The following FLYWCH2 variants were observed in gnomAD, a reference collection of about 807,000 sequenced individuals.
FLYWCH2 encodes FLYWCH family member 2.
FLYWCH2 carries 2 observed loss-of-function variants against 6.0 expected under a neutral mutation model. The observed-to-expected ratio is 0.33, with a 90% confidence interval of 0.14 to 1.04. The LOEUF is 1.04. Ranked by LOEUF, FLYWCH2 falls within the 50% of genes least tolerant of loss-of-function variation. FLYWCH2 has a pLI of 0.45. For missense variants in FLYWCH2, 192 were observed against 183.4 expected, an observed-to-expected ratio of 1.05 and a Z score of -0.27; for synonymous variants, 87 against 79.3, an observed-to-expected ratio of 1.10 and a Z score of -0.52.
intron 1 of FLYWCH2, among the ~76,000 whole-genome samples, chr16:2,885,311 C>G (rs1418795157): frequency 2.0e-5 from 3 of 151,876 alleles, no homozygotes; most frequent in Non-Finnish European, 4.4e-5. Context: ...AGCGAGACTC[C>G]GTCTCAAAAA....
intron 3 of FLYWCH2, chr16:2,897,035 G>T (rs1387566330): frequency 1.8e-6 from 1 of 556,858 alleles, no homozygotes; most frequent in Non-Finnish European, 3.1e-6. Flanking sequence ...CACAAGGGAG[G>T]GTCTGAGGGT....
chr16:2,887,811 C>T (rs1442335171), intron 1 of FLYWCH2, among the ~76,000 whole-genome samples: 1 of 151,958 alleles, frequency 6.6e-6, no homozygotes, highest in Admixed American at 6.6e-5. Flanking sequence ...AAGCGATCCT[C>T]CTACATCACC....
At chr16:2,897,221 G>A (rs2069833525) in intron 3 of FLYWCH2, among the ~76,000 whole-genome samples, 1 of 152,202 alleles carries the variant, frequency 6.6e-6, no homozygotes, top group South Asian at 2.1e-4. Context: ...GCAGCTGTGT[G>A]CAGGCTGGGC....
chr16:2,892,086 G>A (rs929292739), intron 1 of FLYWCH2, among the ~76,000 whole-genome samples: 1 of 151,964 alleles, frequency 6.6e-6, no homozygotes, highest in African/African-American at 2.4e-5. Context: ...CAGCTACTCG[G>A]GAGGCTGAGG....
At chr16:2,896,797 G>A (rs866203425) in intron 3 of FLYWCH2, 26 bp downstream of exon 3, 2 of 1,597,098 alleles carry the variant, frequency 1.3e-6, no homozygotes, top group Non-Finnish European at 8.5e-7. Flanking sequence ...GGCCCCCCAG[G>A]ACAGCTCGGC....
At chr16:2,886,146 C>A (rs952484450) in intron 1 of FLYWCH2, among the ~76,000 whole-genome samples, 1 of 151,892 alleles carries the variant, frequency 6.6e-6, no homozygotes. Flanking sequence ...TAGAGAAAAG[C>A]CTGTTTGGAG....
intron 1 of FLYWCH2, among the ~76,000 whole-genome samples, chr16:2,887,259 C>T (rs571660939): frequency 6.6e-6 from 1 of 151,706 alleles, no homozygotes; most frequent in Non-Finnish European, 1.5e-5. Context: ...AATCCTTCCA[C>T]CTCAGCTTCC....
intron 2 of FLYWCH2, among the ~76,000 whole-genome samples, chr16:2,896,063 TTGGTAG>T (rs1486619383): frequency 7.9e-5 from 12 of 152,206 alleles, no homozygotes; most frequent in Admixed American, 5.2e-4. Flanking sequence ...GGGAGGCCCA[TTGGTAG>T]TGGCTGAGTT....
At chr16:2,894,191 G>T (rs1388413088) in intron 1 of FLYWCH2, among the ~76,000 whole-genome samples, 1 of 152,150 alleles carries the variant, frequency 6.6e-6, no homozygotes, top group Non-Finnish European at 1.5e-5. Flanking sequence ...CTAGGTCTGG[G>T]TCCCTGCCAG....
At chr16:2,892,964 G>A (rs141413655) in intron 1 of FLYWCH2, among the ~76,000 whole-genome samples, 1,664 of 137,572 alleles carry the variant, frequency 0.012, 12 homozygotes, top group Non-Finnish European at 0.016. Context: ...GTCATATATC[G>A]TATATAATAT....
chr16:2,897,508 C>A (rs1351612162), intron 3 of FLYWCH2, among the ~76,000 whole-genome samples: 1 of 152,192 alleles, frequency 6.6e-6, no homozygotes, highest in Non-Finnish European at 1.5e-5. Context: ...CACTGAGCAT[C>A]TTCAGTCCCT....
intron 1 of FLYWCH2, among the ~76,000 whole-genome samples, chr16:2,892,705 A>G (rs1403891295): frequency 6.6e-6 from 1 of 151,266 alleles, no homozygotes; most frequent in Non-Finnish European, 1.5e-5. Context: ...TTAGGAGAGC[A>G]TGGTGGCGTG....
intron 1 of FLYWCH2, among the ~76,000 whole-genome samples, chr16:2,884,895 A>AG (rs1315716815): frequency 6.6e-6 from 1 of 151,644 alleles, no homozygotes; most frequent in African/African-American, 2.4e-5. Context: ...ACAAAAAAAA[A>AG]ACTCCGGGTG....
chr16:2,889,561 A>C (rs890224001), intron 1 of FLYWCH2, among the ~76,000 whole-genome samples: 13 of 151,938 alleles, frequency 8.6e-5, no homozygotes, highest in South Asian at 2.1e-4. Context: ...TAAAAAAAAA[A>C]AACAACCTGA....
rs760623093 is a variant in FLYWCH2, at chr16:2,896,646, T to C, written c.197T>C (p.Met66Thr). The change falls in exon 3 of 4, where the codon ATG becomes ACG. Residue 66 changes from methionine (M) to threonine (T), a missense_variant. Coordinates refer to ENST00000396958, the MANE Select transcript of FLYWCH2 (RefSeq NM_138439.3). The stretch of plus-strand genomic sequence containing the variant: ...AAGCGCAAGGGTGTGCACTGTGTCA[T>C]GTCCCTGGGGGTGCCCGGCCCCGCC... ...GAKRKGVHCV[M>T]SLGVPGPATL... 1.2e-5 allele frequency: 19 copies of C among 1,613,542 alleles called. No individual in the cohort carries two copies. The highest frequency in any genetic ancestry group is 2.7e-5 in the African/African-American group (2 of 74,906).
chr16:2,886,685 C>CACCAATCCAAAAAAGAAAA lies in FLYWCH2; in HGVS notation c.-200+3319_-200+3320insACCAATCCAAAAAAGAAAA, dbSNP rs1555476590. Among the ~76,000 whole-genome samples the CACCAATCCAAAAAAGAAAA allele has an allele frequency of 1.3e-3, 189 of 143,004 alleles. 1 individual carries two copies. The highest frequency in any genetic ancestry group is 5.2e-3 in the African/African-American group (173 of 33,372). 93.8% of individuals were successfully genotyped at this position (143,004 alleles called of 152,430 possible). On this transcript the variant is annotated intron_variant, in intron 1 of 3. Transcript: ENST00000396958. Reference sequence around the variant, plus strand: ...TACAGGCATGTGCCACCAAGCTTGGCTAATTTTGTATTTTTAGTAGAGACA... The same window carrying CACCAATCCAAAAAAGAAAA: ...TACAGGCATGTGCCACCAAGCTTGGCACCAATCCAAAAAAGAAAATAATTTTGTATTTTTAGTAGAGACA...
intron 1 of FLYWCH2, among the ~76,000 whole-genome samples, chr16:2,886,664 G>A (rs1473696836): frequency 6.9e-6 from 1 of 144,232 alleles, no homozygotes; most frequent in Non-Finnish European, 1.5e-5. Context: ...TGGGATTACA[G>A]GCATGTGCCA....
chr16:2,895,601 C>T (rs1442502060), intron 2 of FLYWCH2, among the ~76,000 whole-genome samples: 1 of 152,188 alleles, frequency 6.6e-6, no homozygotes, highest in African/African-American at 2.4e-5. Flanking sequence ...GGCGACAGAG[C>T]GAGACTCCGT....
chr16:2,890,862 CA>C (rs1166235363), intron 1 of FLYWCH2, among the ~76,000 whole-genome samples: 1 of 152,156 alleles, frequency 6.6e-6, no homozygotes, highest in Non-Finnish European at 1.5e-5. Flanking sequence ...CCACCTCGCC[CA>C]GCCCAGATTG....
Sources: gnomAD v4.1 joint callset for allele counts (sites outside exome capture counted in the v4.1 genomes callset) on GRCh38, gnomAD v4.1.1 for gene constraint, MANE v1.5 for transcripts, NCBI Gene and HGNC (gene_info 2026-07-23, HGNC 2026-07-21) for gene names.